Variants in BDH2 observed in about 807,000 individuals in gnomAD.
BDH2 encodes the protein 3-hydroxybutyrate dehydrogenase 2.
BDH2 carries 24 observed loss-of-function variants against 33.2 expected under a neutral mutation model. The observed-to-expected ratio is 0.72, with a 90% CI of 0.52 to 1.02. The LOEUF is 1.02. Ranked by LOEUF, BDH2 falls within the 50% of genes least tolerant of loss-of-function variation. BDH2 has a pLI of 0.00. For missense variants in BDH2, 249 were observed against 301.6 expected (o/e 0.83, Z 1.29); for synonymous variants, 81 against 101.6 (o/e 0.80, Z 1.22).
In BDH2 at chr4:103,078,341, A is replaced by G. The variant is rs1747338328; in HGVS notation, c.*1361T>C. 6.6e-6 allele frequency among the ~76,000 whole-genome samples: 1 copy of G among 152,206 alleles called. No individual in the cohort carries two copies. Among genetic ancestry groups the G allele is most frequent in the African/African-American group, 2.4e-5 (1 of 41,454 alleles). ...ATTTACATTTATTTATCCAGAAACT[A>G]TGTCCAAATTTTATGTCCTCTTTTC... On this transcript the variant is annotated 3_prime_UTR_variant, in exon 10 of 10. Coordinates refer to ENST00000296424, the MANE Select transcript of BDH2 (RefSeq NM_020139.4).
intron 7 of BDH2, 130 bp downstream of exon 7, chr4:103,085,219 A>T (rs1220140582): frequency 1.5e-6 from 1 of 681,032 alleles, no homozygotes; most frequent in Non-Finnish European, 2.5e-6. Context: ...GAGTCATTTT[A>T]TCTGTTGCAA....
chr4:103,080,802 C>G (rs1405600784), intron 9 of BDH2, among the ~76,000 whole-genome samples: 2 of 152,190 alleles, frequency 1.3e-5, no homozygotes, highest in African/African-American at 4.8e-5. Context: ...TCAGCAGTAC[C>G]CAAATCAAAT....
Position 103,096,288 on chromosome 4 carries a change from T to C in BDH2, c.-20-14A>G. 1.3e-6 allele frequency: 2 copies of C among 1,533,438 alleles called. No homozygotes were observed. Among genetic ancestry groups the C allele is most frequent in the South Asian group, 2.2e-5 (2 of 88,910 alleles). 95.0% of individuals were successfully genotyped at this position (1,533,438 alleles called of 1,614,324 possible). A position where few individuals can be genotyped will look rare whatever the true frequency, so the allele number is the denominator to read the frequency against. ...CTGTGGTTTAATCTAAAGACATGTG[T>C]GTTTAATGGGTTATACTGTAGAACA... On this transcript the variant is annotated splice_polypyrimidine_tract_variant and intron_variant, in intron 1 of 9. Coordinates refer to ENST00000296424, the MANE Select transcript of BDH2 (RefSeq NM_020139.4).
chr4:103,079,857 G>T, intron 9 of BDH2, 102 bp from the exon 10 acceptor site: 1 of 1,066,934 alleles, frequency 9.4e-7, no homozygotes, highest in Non-Finnish European at 1.4e-6. Flanking sequence ...ATTTACCCTT[G>T]TCCTAACAGG....
At chr4:103,081,658 A>G (rs1747532016) in intron 9 of BDH2, among the ~76,000 whole-genome samples, 1 of 152,216 alleles carries the variant, frequency 6.6e-6, no homozygotes, top group South Asian at 2.1e-4. Flanking sequence ...TCACAAGTAA[A>G]ACTAAAACAC....
rs1747397091 is a variant in BDH2 at position 103,079,255 on chromosome 4, T to TGAG, written c.*444_*446dup. ...GCTTTTTTTCTCTGCTCTTGCTATG[T>TGAG]GAGGATACAGCAAGAAGAGGACCAT... On this transcript the variant is annotated 3_prime_UTR_variant, in exon 10 of 10. Coordinates refer to ENST00000296424, the MANE Select transcript of BDH2 (RefSeq NM_020139.4). Among the ~76,000 whole-genome samples the TGAG allele has an allele frequency of 6.6e-6, 1 of 152,130 alleles. No homozygotes were observed. Among genetic ancestry groups the TGAG allele is most frequent in the Non-Finnish European group, 1.5e-5 (1 of 68,012 alleles).
intron 2 of BDH2, 143 bp downstream of exon 2, chr4:103,096,040 T>G (rs1748387102): frequency 1.8e-6 from 1 of 571,014 alleles, no homozygotes; most frequent in Non-Finnish European, 3.1e-6. Context: ...TATTTGTTTA[T>G]TTTTATAACT....
At chr4:103,083,110 T>C (rs1411374085) in intron 7 of BDH2, among the ~76,000 whole-genome samples, 181 bp from the exon 8 acceptor site, 1 of 152,238 alleles carries the variant, frequency 6.6e-6, no homozygotes, top group Admixed American at 6.5e-5. Flanking sequence ...CAATAACATT[T>C]CTATGATTTT....
At chr4:103,097,515 T>C (rs146743676) in intron 1 of BDH2, 1 of 152,324 alleles carries the variant, frequency 6.6e-6, no homozygotes, top group Non-Finnish European at 1.5e-5. Flanking sequence ...CTGTCATTAA[T>C]GTGTGCCTCT....
At chr4:103,096,421 A>G (rs1296801321) in intron 1 of BDH2, 147 bp from the exon 2 acceptor site, 4 of 518,088 alleles carry the variant, frequency 7.7e-6, no homozygotes, top group Non-Finnish European at 1.0e-5. Flanking sequence ...CTGTGCAAGT[A>G]GTCCCATCAT....
At chr4:103,084,303 T>A (rs938707570) in intron 7 of BDH2, among the ~76,000 whole-genome samples, 1 of 152,178 alleles carries the variant, frequency 6.6e-6, no homozygotes, top group Non-Finnish European at 1.5e-5. Flanking sequence ...AGTATTCCAA[T>A]GTCACTGGGT....
intron 4 of BDH2, 34 bp downstream of exon 4, chr4:103,092,566 G>T: frequency 6.9e-7 from 1 of 1,439,638 alleles, no homozygotes; most frequent in Non-Finnish European, 9.7e-7. Flanking sequence ...AAAACTTTCT[G>T]TAAGGAAAGT....
chr4:103,090,053 G>A (rs1578505950), intron 5 of BDH2, among the ~76,000 whole-genome samples: 1 of 152,272 alleles, frequency 6.6e-6, no homozygotes, highest in Non-Finnish European at 1.5e-5. Flanking sequence ...CATTAACAAA[G>A]CTCTTCTCCT....
chr4:103,082,150 T>A lies in BDH2; in HGVS notation c.615A>T (p.Arg205Ser). ...PEEARNDFLK[R>S]QKTGRFATAE... is the part of the protein sequence containing the mutation. ...CAGTTGCGAATCTTCCCGTCTTTTGTCTCTTCAGGAAATCATTCCGTGCCT... is the reference window on the plus strand; with the variant it reads ...CAGTTGCGAATCTTCCCGTCTTTTGACTCTTCAGGAAATCATTCCGTGCCT... The change falls in exon 9 of 10, where the codon AGA (arginine) becomes AGT (serine). Residue 205 changes from arginine (R) to serine (S), a missense_variant. Physicochemically the swap from Arg to Ser is moderately radical, Grantham distance 110 (BLOSUM62 -1). Transcript: ENST00000296424. The A allele has an allele frequency of 6.2e-7, 1 of 1,614,104 alleles. No homozygotes were observed. The highest frequency in any genetic ancestry group is 1.1e-5 in the South Asian group (1 of 91,070).
intron 7 of BDH2, 115 bp from the exon 8 acceptor site, chr4:103,083,044 G>T (rs182098136): frequency 2.6e-5 from 25 of 946,702 alleles, no homozygotes; most frequent in Non-Finnish European, 1.7e-6. Flanking sequence ...GACTTAAAAT[G>T]ACAACTTTAC....
At position 103,091,152 on chromosome 4, in the gene BDH2, CTGGTGG is replaced by C; in HGVS notation, c.357+19_357+24del. 6.8e-7 allele frequency: 1 copy of C among 1,471,660 alleles called. No homozygotes were observed. The highest frequency in any genetic ancestry group is 9.5e-7 in the Non-Finnish European group (1 of 1,052,598). The allele number at this position is 1,471,660 out of a possible 1,614,324, so 91.2% of individuals were successfully genotyped here. On this transcript the variant is annotated intron_variant, in intron 5 of 9. Transcript: ENST00000296424. ...ACAGAGACCTAATGTGGTGCTTATC[CTGGTGG>C]TGGTGGTGGTGGTCTTACTTTAGGA...
In BDH2 at chr4:103,079,773, A is replaced by G; in HGVS notation, c.685-18T>C. On this transcript the variant is annotated intron_variant, in intron 9 of 9. Coordinates refer to ENST00000296424, the MANE Select transcript of BDH2 (RefSeq NM_020139.4). ...TAAGCAGACTGCAGTGATAAACACA[A>G]GGAGACAGAACAATTAACCAGGTTT... The G allele has an allele frequency of 6.2e-7, 1 of 1,608,880 alleles. No homozygotes were observed. Among genetic ancestry groups the G allele is most frequent in the Non-Finnish European group, 8.5e-7 (1 of 1,175,226 alleles).
intron 1 of BDH2, among the ~76,000 whole-genome samples, chr4:103,097,909 G>T (rs72943202): frequency 0.01 from 1,523 of 152,138 alleles, 29 homozygotes; most frequent in African/African-American, 0.034. Flanking sequence ...ATATTACCTA[G>T]TCCTTTCTCT....
At chr4:103,083,021 G>A in intron 7 of BDH2, 92 bp from the exon 8 acceptor site, 1 of 1,157,612 alleles carries the variant, frequency 8.6e-7, no homozygotes. Flanking sequence ...CAATCAGTGA[G>A]ATTCTTCTCC....
Sources: allele counts gnomAD v4.1 joint callset (sites outside exome capture counted in the v4.1 genomes callset), GRCh38; gene constraint gnomAD v4.1.1; transcripts MANE v1.5; gene names NCBI Gene and HGNC (gene_info 2026-07-23, HGNC 2026-07-21).